The following DIP2C variants were observed in gnomAD, a reference collection of about 807,000 sequenced individuals.
The protein encoded by DIP2C is disco-interacting protein 2 homolog C.
A neutral mutation model predicts 192.4 loss-of-function variants in DIP2C; 33 were observed. That is an observed-to-expected ratio of 0.17 (90% CI 0.13 to 0.23). The LOEUF is 0.23. DIP2C is among the 10% of genes least tolerant of loss of function. The pLI, the probability that DIP2C is intolerant of heterozygous loss-of-function variation, is 1.00. For synonymous variants in DIP2C, 979 were observed against 864.1 expected, an observed-to-expected ratio of 1.13 and a Z score of -2.33; for missense variants, 1,537 against 2,110.1, an observed-to-expected ratio of 0.73 and a Z score of 5.32.
chr10:495,366 C>T (rs1388067898), intron 1 of DIP2C, among the ~76,000 whole-genome samples: 1 of 152,114 alleles, frequency 6.6e-6, no homozygotes, highest in Non-Finnish European at 1.5e-5. Flanking sequence ...GCATCATCTG[C>T]CTGAAACTGG....
intron 1 of DIP2C, among the ~76,000 whole-genome samples, chr10:497,277 A>AT (rs928500839): frequency 2.6e-5 from 4 of 152,118 alleles, no homozygotes; most frequent in Admixed American, 2.6e-4. Flanking sequence ...CTTTCTGAAT[A>AT]TTTTCACTTT....
intron 32 of DIP2C, among the ~76,000 whole-genome samples, chr10:297,122 A>G (rs1955792818): frequency 6.6e-6 from 1 of 151,826 alleles, no homozygotes; most frequent in South Asian, 2.1e-4. Context: ...TGAACCGGGG[A>G]GGCAGAGGTT....
rs1263350128 is a variant in DIP2C, at chr10:636,689, G to C, written c.85+52805C>G. On this transcript the variant is annotated intron_variant, in intron 1 of 36. Transcript: ENST00000280886. The surrounding 1 kb of genome is among the most constrained non-coding windows in gnomAD (Gnocchi z 4.6). Reference sequence around the variant, plus strand: ...GACTCTCCTTCCCCATCTTCGTCAGGGACAGCCTCACACCCTTTATCTGTG... The same window carrying C: ...GACTCTCCTTCCCCATCTTCGTCAGCGACAGCCTCACACCCTTTATCTGTG... 1.3e-5 allele frequency among the ~76,000 whole-genome samples: 2 copies of C among 152,120 alleles called. No individual in the cohort carries two copies. The highest frequency in any genetic ancestry group is 4.2e-4 in the South Asian group (2 of 4,812).
intron 1 of DIP2C, among the ~76,000 whole-genome samples, chr10:606,443 G>C (rs1258914718): frequency 6.6e-6 from 1 of 150,744 alleles, no homozygotes; most frequent in African/African-American, 2.4e-5. Context: ...GGTTGGGAAG[G>C]GGATCTCTCG....
chr10:662,562 T>C (rs1452139034), intron 1 of DIP2C, among the ~76,000 whole-genome samples: 1 of 152,198 alleles, frequency 6.6e-6, no homozygotes, highest in African/African-American at 2.4e-5. Flanking sequence ...ACACATTACT[T>C]AAACCAATAA....
chr10:658,096 G>A (rs1398109741), intron 1 of DIP2C, among the ~76,000 whole-genome samples: 3 of 151,806 alleles, frequency 2.0e-5, no homozygotes, highest in Non-Finnish European at 2.9e-5. Flanking sequence ...CCTGATGCTG[G>A]ACCTGTCCCT....
intron 13 of DIP2C, among the ~76,000 whole-genome samples, chr10:389,532 T>C (rs572986188): frequency 6.6e-6 from 1 of 152,316 alleles, no homozygotes; most frequent in Admixed American, 6.5e-5. Context: ...ACTAAAGATA[T>C]GCTCATGTGC....
intron 10 of DIP2C, among the ~76,000 whole-genome samples, chr10:396,042 G>A (rs889207041): frequency 6.6e-6 from 1 of 152,132 alleles, no homozygotes; most frequent in Non-Finnish European, 1.5e-5. Flanking sequence ...CTCAGCTGAG[G>A]GGGACTGTTG....
At chr10:412,881 A>G (rs1429689047) in intron 8 of DIP2C, among the ~76,000 whole-genome samples, 1 of 152,248 alleles carries the variant, frequency 6.6e-6, no homozygotes, top group African/African-American at 2.4e-5. Context: ...CTAGAACTGA[A>G]ACAGCTATGT....
At chr10:352,700 G>A (rs1958881940) in intron 24 of DIP2C, among the ~76,000 whole-genome samples, 1 of 152,162 alleles carries the variant, frequency 6.6e-6, no homozygotes, top group East Asian at 1.9e-4. Flanking sequence ...GGCTGGGAGG[G>A]ACAGTCGCTC....
At chr10:356,769 G>C (rs919448429) in intron 23 of DIP2C, among the ~76,000 whole-genome samples, 3 of 152,228 alleles carry the variant, frequency 2.0e-5, no homozygotes, top group African/African-American at 7.2e-5. Context: ...AAAGCAAAGG[G>C]CTGGTGCTGC....
At chr10:433,212 C>A (rs1343487752) in intron 4 of DIP2C, among the ~76,000 whole-genome samples, 1 of 152,210 alleles carries the variant, frequency 6.6e-6, no homozygotes, top group East Asian at 1.9e-4. Flanking sequence ...AACTATAATA[C>A]TGGATTATTT....
In DIP2C at chr10:337,787, C is replaced by A. The variant is rs1317078323; in HGVS notation, c.3584+3412G>T. Among the ~76,000 whole-genome samples the A allele has an allele frequency of 4.4e-4, 55 of 126,270 alleles. 1 individual carries two copies. Among genetic ancestry groups the A allele is most frequent in the African/African-American group, 1.6e-3 (51 of 31,650 alleles). The allele number at this position is 126,270 out of a possible 152,430, so 82.8% of individuals were successfully genotyped here. On this transcript the variant is annotated intron_variant, in intron 29 of 36. Transcript: ENST00000280886. ...GTGTGTTCTGTGAAGGCCTAGGCAG[C>A]TGTGTGTGTGCACGTGTGTCGTGGA... is the stretch of plus-strand genomic sequence containing the variant.
rs561636056 is a variant in DIP2C, at chr10:432,101, T to G, written c.394+8770A>C. ...GGTGCACAATTTTTTTTTTTTACACTGTTGGATTTAATTTGCTAATATTTT... is the reference window on the plus strand; with the variant it reads ...GGTGCACAATTTTTTTTTTTTACACGGTTGGATTTAATTTGCTAATATTTT... On this transcript the variant is annotated intron_variant, in intron 4 of 36. Coordinates refer to ENST00000280886, the MANE Select transcript of DIP2C (RefSeq NM_014974.3). Among the ~76,000 whole-genome samples, 74 of 152,278 alleles carry G rather than the reference T, an allele frequency of 4.9e-4. 1 individual carries two copies. The South Asian group carries it at 0.014, about 29-fold the overall frequency.
intron 1 of DIP2C, among the ~76,000 whole-genome samples, chr10:681,838 C>T (rs1588763706): frequency 6.6e-6 from 1 of 152,370 alleles, no homozygotes; most frequent in South Asian, 2.1e-4. Flanking sequence ...CTTCAGAGCT[C>T]AGGGCCCAGG....
At chr10:282,383 A>T (rs1474045454) in intron 35 of DIP2C, among the ~76,000 whole-genome samples, 1 of 152,242 alleles carries the variant, frequency 6.6e-6, no homozygotes, top group Non-Finnish European at 1.5e-5. Context: ...TGCAAATGTC[A>T]TGCCAGGATA....
At chr10:546,044 G>A (rs1324356141) in intron 1 of DIP2C, among the ~76,000 whole-genome samples, 2 of 152,126 alleles carry the variant, frequency 1.3e-5, no homozygotes, top group Non-Finnish European at 2.9e-5. Flanking sequence ...CACTTTGGGA[G>A]GCCAAGGCAG....
intron 1 of DIP2C, among the ~76,000 whole-genome samples, chr10:556,651 C>T (rs1378781016): frequency 1.1e-4 from 16 of 152,058 alleles, no homozygotes; most frequent in Non-Finnish European, 2.2e-4. Flanking sequence ...ACCCTGCCCA[C>T]TGGGGCCTGG....
intron 1 of DIP2C, chr10:650,732 C>A (rs552108075): frequency 1.4e-5 from 9 of 637,534 alleles, no homozygotes; most frequent in African/African-American, 1.3e-4. Flanking sequence ...GGCCGACCCC[C>A]CCTCATGCTC....
Sources: allele counts gnomAD v4.1 joint callset (sites outside exome capture counted in the v4.1 genomes callset), GRCh38; gene constraint gnomAD v4.1.1; non-coding constraint Gnocchi (gnomAD v3.1); transcripts MANE v1.5; gene names NCBI Gene and HGNC (gene_info 2026-07-23, HGNC 2026-07-21).